The following SLC1A7 variants were observed in gnomAD, a reference collection of about 807,000 sequenced individuals.
SLC1A7 encodes the protein solute carrier family 1 member 7, also known as excitatory amino acid transporter 5.
A neutral mutation model predicts 47.7 loss-of-function variants in SLC1A7; 40 were observed. The ratio of observed to expected loss-of-function variants is 0.84; its 90% CI spans 0.65 to 1.09. SLC1A7 has a LOEUF of 1.09. Ranked by LOEUF, SLC1A7 falls within the 50% of genes least tolerant of loss-of-function variation. The probability of loss-of-function intolerance (pLI) is 0.00; values close to 1 mark genes in which losing one functional copy is unlikely to be tolerated. For missense variants in SLC1A7, 746 were observed against 769.5 expected, an observed-to-expected ratio of 0.97 and a Z score of 0.36; for synonymous variants, 323 against 325.6, an observed-to-expected ratio of 0.99 and a Z score of 0.09.
At position 53,087,942 on chromosome 1, in the gene SLC1A7, G is replaced by A; in HGVS notation, c.*67C>T. On this transcript the variant is annotated 3_prime_UTR_variant, in exon 11 of 11. Transcript: ENST00000371494. ...CCCTGCCGGCTGCTCAGGAGGGTTG[G>A]AGAGTCGAGTTCCTGCCTCAGGACC... The A allele has an allele frequency of 1.0e-6, 1 of 973,910 alleles. No homozygotes were observed. 60.3% of individuals were successfully genotyped at this position (973,910 alleles called of 1,614,324 possible). A position where few individuals can be genotyped will look rare whatever the true frequency, so the allele number is the denominator to read the frequency against.
At chr1:53,090,585 C>A (rs574223644) in intron 8 of SLC1A7, 27 bp downstream of exon 8, 2 of 1,544,338 alleles carry the variant, frequency 1.3e-6, no homozygotes, top group South Asian at 2.5e-5. Flanking sequence ...CCCGCCCCAT[C>A]CACCCAGGTG....
At chr1:53,138,557 G>A (rs1339832651) in intron 1 of SLC1A7, among the ~76,000 whole-genome samples, 40 of 148,630 alleles carry the variant, frequency 2.7e-4, no homozygotes, top group Admixed American at 2.5e-3. Flanking sequence ...TTGGAGATGG[G>A]GTCTCACACC....
chr1:53,089,993 T>A, intron 8 of SLC1A7, 59 bp from the exon 9 acceptor site: 1 of 1,596,074 alleles, frequency 6.3e-7, no homozygotes, highest in South Asian at 1.1e-5. Context: ...ATTGTCAGGG[T>A]CTGGCTCCAA....
At chr1:53,132,392 A>C (rs1481585899) in intron 2 of SLC1A7, among the ~76,000 whole-genome samples, 3 of 152,182 alleles carry the variant, frequency 2.0e-5, no homozygotes, top group Non-Finnish European at 4.4e-5. Flanking sequence ...AGTAGGCAGA[A>C]TCCACTGGAA....
At chr1:53,132,499 A>G (rs6678482) in intron 2 of SLC1A7, among the ~76,000 whole-genome samples, 381 of 152,256 alleles carry the variant, frequency 2.5e-3, no homozygotes, top group Non-Finnish European at 3.5e-3. Context: ...AGACAAGAAG[A>G]AAACAGGAAA....
intron 5 of SLC1A7, among the ~76,000 whole-genome samples, chr1:53,100,844 C>A (rs1056612178): frequency 6.6e-6 from 1 of 150,852 alleles, no homozygotes; most frequent in Non-Finnish European, 1.5e-5. Context: ...GGTACACTGC[C>A]ATACCCCGCC....
intron 4 of SLC1A7, among the ~76,000 whole-genome samples, chr1:53,104,376 T>C (rs1644616449): frequency 6.6e-6 from 1 of 152,212 alleles, no homozygotes; most frequent in Non-Finnish European, 1.5e-5. Context: ...GAACACTCTG[T>C]GCTGGTTGCT....
intron 7 of SLC1A7, among the ~76,000 whole-genome samples, chr1:53,091,810 CTT>C (rs937479225): frequency 1.3e-5 from 2 of 152,206 alleles, no homozygotes; most frequent in Non-Finnish European, 2.9e-5. Flanking sequence ...AGCTCAGACA[CTT>C]GCCATGGGGA....
chr1:53,090,662 G>A lies in SLC1A7; in HGVS notation c.1176C>T (p.Ile392=), dbSNP rs78880589. 6.2e-4 allele frequency: 992 copies of A among 1,611,850 alleles called. 20 individuals are homozygous for A. The East Asian group carries it at 0.021, about 34-fold the overall frequency. The change falls in exon 8 of 11, where the codon ATC becomes ATT. Residue 392 remains isoleucine, a synonymous_variant. Transcript: ENST00000371494. ...CCAGCTCGTAGTTGTTGACCTGGGCGATGAAGATGGCGGCCACAGCCTCGT... is the reference window on the plus strand; with the variant it reads ...CCAGCTCGTAGTTGTTGACCTGGGCAATGAAGATGGCGGCCACAGCCTCGT... ...ALYEAVAAIF[I]AQVNNYELDF...
intron 2 of SLC1A7, among the ~76,000 whole-genome samples, chr1:53,117,594 G>T (rs978217579): frequency 6.6e-6 from 1 of 152,226 alleles, no homozygotes; most frequent in African/African-American, 2.4e-5. Context: ...CAGATTGTTT[G>T]CATCTCTGCA....
intron 2 of SLC1A7, among the ~76,000 whole-genome samples, chr1:53,132,434 A>C (rs1644950911): frequency 6.6e-6 from 1 of 152,142 alleles, no homozygotes; most frequent in Non-Finnish European, 1.5e-5. Flanking sequence ...TGAGAGAAAG[A>C]GGATAGCCAA....
chr1:53,142,207 C>T lies in SLC1A7; in HGVS notation c.135+108G>A, dbSNP rs1040923970. 14 of 1,279,626 alleles carry T rather than the reference C, an allele frequency of 1.1e-5. No homozygotes were observed. The South Asian group carries it at 2.0e-4, about 18-fold the overall frequency. The allele number at this position is 1,279,626 out of a possible 1,614,324, so 79.3% of individuals were successfully genotyped here. On this transcript the variant is annotated intron_variant, in intron 1 of 10. Transcript: ENST00000371494. Reference sequence around the variant, plus strand: ...GGACCCAGAGAGGCAGAGGGATTCACACACTGTCATGGCACCAGGGAGCTG... The same window carrying T: ...GGACCCAGAGAGGCAGAGGGATTCATACACTGTCATGGCACCAGGGAGCTG...
At chr1:53,130,177 G>C (rs1644928228) in intron 2 of SLC1A7, among the ~76,000 whole-genome samples, 1 of 152,218 alleles carries the variant, frequency 6.6e-6, no homozygotes, top group South Asian at 2.1e-4. Context: ...CCAACAAATG[G>C]GGAGGTGGAA....
rs752537062 is a variant in SLC1A7, at chr1:53,088,883, G to T, written c.1458C>A (p.Gly486=). Residue 486 remains glycine, a synonymous_variant, in exon 10 of 11, where the codon GGC becomes GGA. Coordinates refer to ENST00000371494, the MANE Select transcript of SLC1A7 (RefSeq NM_006671.6). ...ICRKDFARDT[G]TEKLLPCETK... ...TGGATCTCACTGCTCTCACCTCGGTGCCTGTGTCCCGGGCAAAATCCTTCC... is the reference window on the plus strand; with the variant it reads ...TGGATCTCACTGCTCTCACCTCGGTTCCTGTGTCCCGGGCAAAATCCTTCC... 6.2e-7 allele frequency: 1 copy of T among 1,613,398 alleles called. No individual in the cohort carries two copies. The highest frequency in any genetic ancestry group is 1.1e-5 in the South Asian group (1 of 91,060).
intron 2 of SLC1A7, among the ~76,000 whole-genome samples, chr1:53,116,922 C>T (rs568279064): frequency 6.6e-6 from 1 of 152,240 alleles, no homozygotes; most frequent in African/African-American, 2.4e-5. Flanking sequence ...CAAGGAGTTC[C>T]TAATCTGCCA....
chr1:53,136,637 A>T (rs1557693458), intron 1 of SLC1A7, among the ~76,000 whole-genome samples: 1 of 108,058 alleles, frequency 9.3e-6, no homozygotes, highest in African/African-American at 3.8e-5. Context: ...TATAATATAT[A>T]AAAACATATA....
intron 2 of SLC1A7, among the ~76,000 whole-genome samples, chr1:53,127,503 A>G (rs1056432085): frequency 6.6e-6 from 1 of 152,194 alleles, no homozygotes; most frequent in Non-Finnish European, 1.5e-5. Flanking sequence ...TCCAGGAGAG[A>G]GAAGGAGGTG....
intron 2 of SLC1A7, among the ~76,000 whole-genome samples, chr1:53,128,629 G>C (rs1183557468): frequency 2.1e-5 from 3 of 143,094 alleles, no homozygotes; most frequent in Non-Finnish European, 3.1e-5. Flanking sequence ...GGATGTGCAG[G>C]TGTGCACGAC....
intron 2 of SLC1A7, 130 bp downstream of exon 2, chr1:53,134,220 G>T: frequency 1.6e-6 from 1 of 612,304 alleles, no homozygotes. Context: ...TGCCCATAAA[G>T]GCCCCACGGT....
Sources: gnomAD v4.1 joint callset for allele counts (sites outside exome capture counted in the v4.1 genomes callset) on GRCh38, gnomAD v4.1.1 for gene constraint, MANE v1.5 for transcripts, NCBI Gene and HGNC (gene_info 2026-07-23, HGNC 2026-07-21) for gene names.